Variants in SDK1 observed in about 807,000 individuals in gnomAD.
SDK1 encodes the protein protein sidekick-1.
SDK1 carries 157 observed loss-of-function variants against 245.5 expected under a neutral mutation model. That is an observed-to-expected ratio of 0.64 (90% CI 0.56 to 0.73). The LOEUF (loss-of-function observed/expected upper bound fraction) is 0.73. Among genes scored for constraint, SDK1 ranks in the 30% least tolerant of loss-of-function variants. The probability of loss-of-function intolerance (pLI) is 0.00; values close to 1 mark genes in which losing one functional copy is unlikely to be tolerated. For missense variants in SDK1, 3,583 were observed against 3,002.3 expected (o/e 1.19, Z -4.52); for synonymous variants, 1,647 against 1,278.5 (o/e 1.29, Z -6.15).
chr7:3,429,760 CTT>C (rs1237597039), intron 1 of SDK1, among the ~76,000 whole-genome samples: 4 of 143,240 alleles, frequency 2.8e-5, no homozygotes, highest in African/African-American at 7.7e-5. Context: ...CCATGTCTGG[CTT>C]TTTTTTTTTT....
intron 4 of SDK1, among the ~76,000 whole-genome samples, chr7:3,719,950 C>T (rs1365646627): frequency 6.6e-6 from 1 of 150,740 alleles, no homozygotes; most frequent in Non-Finnish European, 1.5e-5. Flanking sequence ...GCACCCCAGT[C>T]TGGTGACAGA....
At chr7:3,531,218 G>GT in intron 1 of SDK1, among the ~76,000 whole-genome samples, 1 of 152,134 alleles carries the variant, frequency 6.6e-6, no homozygotes. Flanking sequence ...ATAAGTTCAC[G>GT]TTTTTACTTG....
At chr7:3,891,924 T>C (rs1781469567) in intron 5 of SDK1, among the ~76,000 whole-genome samples, 1 of 152,216 alleles carries the variant, frequency 6.6e-6, no homozygotes, top group Non-Finnish European at 1.5e-5. Context: ...GCATTTTTTT[T>C]TCCTTATAGC....
chr7:3,577,452 CT>C (rs1340224546), intron 1 of SDK1, among the ~76,000 whole-genome samples: 2 of 151,980 alleles, frequency 1.3e-5, no homozygotes, highest in Non-Finnish European at 2.9e-5. Flanking sequence ...ACTGTTGCCC[CT>C]GGACTTCATG....
intron 22 of SDK1, among the ~76,000 whole-genome samples, chr7:4,104,272 G>A (rs1419067290): frequency 6.6e-6 from 1 of 152,224 alleles, no homozygotes; most frequent in East Asian, 1.9e-4. Context: ...CGTTGCCCAG[G>A]CTGGTCTCGA....
At chr7:3,514,880 G>C (rs1049936487) in intron 1 of SDK1, among the ~76,000 whole-genome samples, 1 of 152,158 alleles carries the variant, frequency 6.6e-6, no homozygotes, top group African/African-American at 2.4e-5. Flanking sequence ...GTGCATGCGT[G>C]CGCTCTCTCT....
intron 1 of SDK1, among the ~76,000 whole-genome samples, chr7:3,352,865 C>T (rs28624198): frequency 0.076 from 11,461 of 151,784 alleles, 476 homozygotes; most frequent in East Asian, 0.13. Context: ...CCTGTATTTT[C>T]CGAAGAGTGG....
At chr7:4,037,787 G>C (rs2128160875) in intron 17 of SDK1, among the ~76,000 whole-genome samples, 1 of 152,248 alleles carries the variant, frequency 6.6e-6, no homozygotes, top group South Asian at 2.1e-4. Flanking sequence ...CTTTTACCTA[G>C]AGACCTTCTC....
chr7:3,648,819 G>C (rs1782924939), intron 4 of SDK1, among the ~76,000 whole-genome samples: 1 of 152,196 alleles, frequency 6.6e-6, no homozygotes, highest in East Asian at 1.9e-4. Flanking sequence ...GTAGATACGG[G>C]TTCCAGGCCT....
At chr7:3,731,381 G>C (rs903032854) in intron 4 of SDK1, among the ~76,000 whole-genome samples, 3 of 152,212 alleles carry the variant, frequency 2.0e-5, no homozygotes, top group African/African-American at 7.2e-5. Flanking sequence ...CCCCGAGTCA[G>C]CGTGGGAGGG....
chr7:3,813,358 G>C (rs1412355461), intron 4 of SDK1, among the ~76,000 whole-genome samples: 3 of 146,330 alleles, frequency 2.1e-5, no homozygotes, highest in African/African-American at 7.6e-5. Flanking sequence ...GAGAATAGGC[G>C]GTGTTTGGTT....
At chr7:3,774,602 A>G (rs1780497250) in intron 4 of SDK1, among the ~76,000 whole-genome samples, 1 of 152,206 alleles carries the variant, frequency 6.6e-6, no homozygotes, top group African/African-American at 2.4e-5. Context: ...CCAGAGTTCC[A>G]AAATAGTTAT....
At chr7:4,057,527 G>A (rs1169229109) in intron 19 of SDK1, among the ~76,000 whole-genome samples, 1 of 152,078 alleles carries the variant, frequency 6.6e-6, no homozygotes, top group African/African-American at 2.4e-5. Flanking sequence ...ACTGCCTATA[G>A]CATGCCTGCT....
intron 4 of SDK1, among the ~76,000 whole-genome samples, chr7:3,812,659 C>G (rs1025112426): frequency 6.6e-6 from 1 of 152,208 alleles, no homozygotes. Context: ...CTTGACTGGT[C>G]TTTTCCTGCC....
At chr7:3,356,593 G>T (rs1218143921) in intron 1 of SDK1, among the ~76,000 whole-genome samples, 1 of 152,128 alleles carries the variant, frequency 6.6e-6, no homozygotes, top group African/African-American at 2.4e-5. Flanking sequence ...AATTTTATCT[G>T]ACCAAGAAAG....
chr7:3,516,069 A>C (rs1051689161), intron 1 of SDK1, among the ~76,000 whole-genome samples: 1 of 151,598 alleles, frequency 6.6e-6, no homozygotes, highest in Non-Finnish European at 1.5e-5. Context: ...AATGTAAGAA[A>C]ATTGTAGAAC....
chr7:4,083,357 C>G (rs1337805119), intron 22 of SDK1, among the ~76,000 whole-genome samples: 1 of 152,106 alleles, frequency 6.6e-6, no homozygotes, highest in Non-Finnish European at 1.5e-5. Flanking sequence ...ACTCTTTTCC[C>G]CCATGCAGTT....
chr7:3,817,292 G>A (rs140039579), intron 4 of SDK1, among the ~76,000 whole-genome samples: 167 of 152,296 alleles, frequency 1.1e-3, no homozygotes, highest in African/African-American at 3.9e-3. Context: ...AGTTGTTAAA[G>A]TGCCCCCTGT....
In SDK1 at chr7:4,176,370, T is replaced by C. The variant is rs552318069; in HGVS notation, c.4996+536T>C. 5.9e-5 allele frequency among the ~76,000 whole-genome samples: 9 copies of C among 152,266 alleles called. No homozygotes were observed. In the East Asian group the frequency reaches 1.5e-3, roughly 26 times the overall value. On this transcript the variant is annotated intron_variant, in intron 34 of 44. Transcript: ENST00000404826. Reference sequence around the variant, plus strand: ...TTTTTTAAGAGACGGGTTCTTGCTATGTTGTACAGGCCGGTCTTGAATGCC... The same window carrying C: ...TTTTTTAAGAGACGGGTTCTTGCTACGTTGTACAGGCCGGTCTTGAATGCC...
Sources: allele counts gnomAD v4.1 joint callset (sites outside exome capture counted in the v4.1 genomes callset), GRCh38; gene constraint gnomAD v4.1.1; transcripts MANE v1.5; gene names NCBI Gene and HGNC (gene_info 2026-07-23, HGNC 2026-07-21).